XPNPEP2: variants seen among roughly 807,000 people sequenced by gnomAD.
The protein encoded by XPNPEP2 is X-prolyl aminopeptidase 2.
Under a neutral mutation model 59.8 loss-of-function variants are expected in XPNPEP2, and 64 were observed. The ratio of observed to expected loss-of-function variants is 1.07; its 90% confidence interval spans 0.87 to 1.32. XPNPEP2 has a LOEUF of 1.32. Among genes scored for constraint, XPNPEP2 ranks in the 40% most tolerant of loss-of-function variants. XPNPEP2 has a pLI of 0.00. For missense variants in XPNPEP2, 575 were observed against 546.8 expected, an observed-to-expected ratio of 1.05 and a Z score of -0.51; for synonymous variants, 235 against 210.0, an observed-to-expected ratio of 1.12 and a Z score of -1.03.
intron 19 of XPNPEP2, among the ~76,000 whole-genome samples, chrX:129,763,791 C>T (rs923260320): frequency 9.0e-6 from 1 of 111,621 alleles, no homozygotes; most frequent in Non-Finnish European, 1.9e-5. Context: ...AACAATCAGT[C>T]CAGAAGTAAA....
In XPNPEP2 at chrX:129,751,815, C is replaced by T. The variant is rs752176137; in HGVS notation, c.810C>T (p.Asp270=). 2 of 1,207,753 alleles carry T rather than the reference C, an allele frequency of 1.7e-6. No homozygotes were observed. Among genetic ancestry groups the T allele is most frequent in the African/African-American group, 3.5e-5 (2 of 57,121 alleles). Residue 270 remains aspartate (D), a synonymous_variant, in exon 9 of 21, where the codon GAC becomes GAT. Transcript: ENST00000371106. ...TCTATTCCTACACGCTGCTCACAGA[C>T]TCTTCTATTAGGTATGGCTTTTCCT... ...PFFYSYTLLT[D]SSIRLFANKS... is the part of the protein sequence containing the mutation.
chrX:129,760,670 A>T (rs1336441329), intron 16 of XPNPEP2, 89 bp downstream of exon 16: 16 of 962,391 alleles, frequency 1.7e-5, no homozygotes, highest in Non-Finnish European at 2.3e-5. Context: ...TGGGGCAAGG[A>T]TTTTGTCATC....
intron 16 of XPNPEP2, 94 bp downstream of exon 16, chrX:129,760,675 G>T (rs780737312): frequency 2.6e-5 from 24 of 914,726 alleles, no homozygotes; most frequent in Non-Finnish European, 3.7e-5. Context: ...CAAGGATTTT[G>T]TCATCATCCC....
intron 19 of XPNPEP2, among the ~76,000 whole-genome samples, chrX:129,767,213 C>CA (rs201351171): frequency 0.021 from 2,261 of 110,245 alleles, 53 homozygotes; most frequent in African/African-American, 0.07. Flanking sequence ...GATCCTATCT[C>CA]AAAAAAAATA....
At chrX:129,756,695 T>C in intron 14 of XPNPEP2, 140 bp downstream of exon 14, 1 of 599,804 alleles carries the variant, frequency 1.7e-6, no homozygotes, top group South Asian at 2.8e-5. Context: ...GCCCCGAACA[T>C]CCTACCCATT....
chrX:129,758,934 G>A (rs955829733), intron 14 of XPNPEP2, among the ~76,000 whole-genome samples: 3 of 111,700 alleles, frequency 2.7e-5, no homozygotes, highest in Non-Finnish European at 5.7e-5. Flanking sequence ...AGTGGGATGG[G>A]GGAGGAGTGT....
chrX:129,762,112 G>C, intron 18 of XPNPEP2, 47 bp downstream of exon 18: 1 of 1,170,970 alleles, frequency 8.5e-7, no homozygotes. Context: ...CCCAGAGCAG[G>C]ACTAGCCCAG....
At chrX:129,760,397 C>T in intron 15 of XPNPEP2, 115 bp from the exon 16 acceptor site, 1 of 767,331 alleles carries the variant, frequency 1.3e-6, no homozygotes, top group East Asian at 3.4e-5. Context: ...TCCCCCCACC[C>T]TGCCTACACA....
intron 1 of XPNPEP2, 29 bp from the exon 2 acceptor site, chrX:129,742,079 T>C (rs765399941): frequency 4.2e-6 from 5 of 1,197,257 alleles, no homozygotes; most frequent in African/African-American, 3.5e-5. Context: ...GGTCCCCAAA[T>C]GACCCTGGAT....
At chrX:129,750,630 C>A in intron 8 of XPNPEP2, 61 bp downstream of exon 8, 2 of 980,006 alleles carry the variant, frequency 2.0e-6, no homozygotes, top group Non-Finnish European at 2.8e-6. Context: ...CCAAGCCTCC[C>A]GGGCCCTGCA....
chrX:129,739,093 C>T lies in XPNPEP2; in HGVS notation c.-121C>T, dbSNP rs755858324. 12 of 733,868 alleles carry T rather than the reference C, an allele frequency of 1.6e-5. No homozygotes were observed. Among genetic ancestry groups the T allele is most frequent in the East Asian group, 6.5e-5 (2 of 30,937 alleles). 60.5% of individuals were successfully genotyped at this position (733,868 alleles called of 1,213,427 possible). A position where few individuals can be genotyped will look rare whatever the true frequency, so the allele number is the denominator to read the frequency against. ...CAGCAGCCAGACGCCTCCTTCTTGACGCCAGCCCCCACCCTCTGTCTGCTC... is the reference window on the plus strand; with the variant it reads ...CAGCAGCCAGACGCCTCCTTCTTGATGCCAGCCCCCACCCTCTGTCTGCTC... On this transcript the variant is annotated 5_prime_UTR_variant, in exon 1 of 21. It adds an upstream start codon to the 5' untranslated region. Transcript: ENST00000371106.
chrX:129,751,749 C>T lies in XPNPEP2; in HGVS notation c.744C>T (p.Leu248=). 1.7e-6 allele frequency: 2 copies of T among 1,209,972 alleles called. No homozygotes were observed. The highest frequency in any genetic ancestry group is 2.2e-6 in the Non-Finnish European group (2 of 894,084). ...LLSALEETAW[L]FNLRASDIPY... is the part of the protein sequence containing the mutation. ...CCTTGTCAATTCTCTTCCCAGGGCT[C>T]TTCAACCTTCGAGCCAGTGACATCC... The change falls in exon 9 of 21, where the codon CTC becomes CTT. Residue 248 remains leucine (L), a synonymous_variant. Coordinates refer to ENST00000371106, the MANE Select transcript of XPNPEP2 (RefSeq NM_003399.6).
intron 1 of XPNPEP2, among the ~76,000 whole-genome samples, chrX:129,740,959 G>T (rs1344350190): frequency 7.7e-4 from 83 of 108,060 alleles, no homozygotes; most frequent in Admixed American, 1.3e-3. Context: ...AAAAAGGAGG[G>T]GGGGCGGGGG....
rs781604927 is a variant in XPNPEP2, at chrX:129,746,866, A to T, written c.490+185A>T. 2.8e-5 allele frequency: 13 copies of T among 457,052 alleles called. No individual in the cohort carries two copies. In the African/African-American group the frequency reaches 2.9e-4, roughly 10 times the overall value. 37.7% of individuals were successfully genotyped at this position (457,052 alleles called of 1,213,427 possible). ...TATTCATGGATTGTGTAATTAAAAT[A>T]CATTTAAAAGAATCAGTACAAATAT... On this transcript the variant is annotated intron_variant, in intron 6 of 20. Transcript: ENST00000371106.
intron 14 of XPNPEP2, among the ~76,000 whole-genome samples, chrX:129,756,893 C>T (rs764138462): frequency 3.3e-4 from 35 of 105,288 alleles, no homozygotes; most frequent in Non-Finnish European, 5.8e-4. Context: ...AGTGCAGTGG[C>T]GCGATCTTGG....
Position 129,742,052 on chromosome X carries a change from C to T in XPNPEP2, c.50-56C>T, listed in dbSNP as rs1926193627. On this transcript the variant is annotated intron_variant, in intron 1 of 20. Transcript: ENST00000371106. The stretch of plus-strand genomic sequence containing the variant: ...GGCGGGCTGAGAGGATACTCCTTCC[C>T]TCTCTAGGAACTAGCTGGTCCCCAA... 5 of 1,131,623 alleles carry T rather than the reference C, an allele frequency of 4.4e-6. No individual in the cohort carries two copies. In the South Asian group the frequency reaches 5.6e-5, roughly 13 times the overall value. 93.3% of individuals were successfully genotyped at this position (1,131,623 alleles called of 1,213,427 possible). A position where few individuals can be genotyped will look rare whatever the true frequency, so the allele number is the denominator to read the frequency against.
intron 11 of XPNPEP2, 68 bp from the exon 12 acceptor site, chrX:129,754,404 A>G (rs1239360292): frequency 1.0e-5 from 10 of 1,004,485 alleles, no homozygotes; most frequent in Non-Finnish European, 1.3e-5. Flanking sequence ...GATCTCCATC[A>G]TCTTGGAGCC....
chrX:129,750,509 A>G lies in XPNPEP2; in HGVS notation c.679A>G (p.Met227Val). Residue 227 changes from methionine (M) to valine (V), a missense_variant, in exon 8 of 21, where the codon ATG becomes GTG. By Grantham distance (21) the Met-to-Val change is conservative. Coordinates refer to ENST00000371106, the MANE Select transcript of XPNPEP2 (RefSeq NM_003399.6). Reference sequence around the variant, plus strand: ...GAAAGTATCTGGCGTCCGAAGCCAGATGCAGAAGCATCAAAAGGTCCCGAC... The same window carrying G: ...GAAAGTATCTGGCGTCCGAAGCCAGGTGCAGAAGCATCAAAAGGTCCCGAC... ...QEKVSGVRSQ[M>V]QKHQKVPTAV... 1 of 1,198,004 alleles carries G rather than the reference A, an allele frequency of 8.3e-7. No homozygotes were observed. The highest frequency in any genetic ancestry group is 3.0e-5 in the East Asian group (1 of 33,496).
In XPNPEP2 at chrX:129,753,203, G is replaced by GA. The variant is rs2124032455; in HGVS notation, c.1062_1063insA (p.Ala355SerfsTer40). 8.3e-7 allele frequency: 1 copy of GA among 1,209,932 alleles called. No individual in the cohort carries two copies. The highest frequency in any genetic ancestry group is 2.2e-5 in the Admixed American group (1 of 45,776). On this transcript the variant is annotated frameshift_variant, in exon 11 of 21. Transcript: ENST00000371106. LOFTEE classifies it high-confidence loss of function. Reference sequence around the variant, plus strand: ...CCTACTCCCCAGTGATGATGACCAAGGCAGTGAAGAACAGCAAGGAGCAGG... The same window carrying GA: ...CCTACTCCCCAGTGATGATGACCAAGAGCAGTGAAGAACAGCAAGGAGCAGG...
Sources: gnomAD v4.1 joint callset for allele counts (sites outside exome capture counted in the v4.1 genomes callset) on GRCh38, gnomAD v4.1.1 for gene constraint, MANE v1.5 for transcripts, NCBI Gene and HGNC (gene_info 2026-07-23, HGNC 2026-07-21) for gene names.